USP43: variants seen among roughly 807,000 people sequenced by gnomAD.
The protein encoded by USP43 is ubiquitin specific peptidase 43.
Under a neutral mutation model 90.7 loss-of-function variants are expected in USP43, and 33 were observed. The ratio of observed to expected loss-of-function variants is 0.36; its 90% CI spans 0.28 to 0.49. USP43 has a LOEUF of 0.49. Ranked by LOEUF, USP43 falls within the 20% of genes least tolerant of loss-of-function variation. The pLI is 0.98. For missense variants in USP43, 1,274 were observed against 1,476.4 expected (o/e 0.86, Z 2.25); for synonymous variants, 598 against 615.8 (o/e 0.97, Z 0.43).
At chr17:9,675,107 C>T in intron 4 of USP43, 124 bp downstream of exon 4, 1 of 821,572 alleles carries the variant, frequency 1.2e-6, no homozygotes, top group Non-Finnish European at 2.1e-6. Flanking sequence ...TCTCTGGAAA[C>T]CAGCCTTATA....
In USP43 at chr17:9,715,251, A is replaced by G. The variant is rs1457622677; in HGVS notation, c.2335+3119A>G. On this transcript the variant is annotated intron_variant, in intron 14 of 14. Transcript: ENST00000285199. Reference sequence around the variant, plus strand: ...CAAGGTGGGAGGATCGCGTGAGTCCAAGAAGTTAAGACTAGCCCTGGCAAC... The same window carrying G: ...CAAGGTGGGAGGATCGCGTGAGTCCGAGAAGTTAAGACTAGCCCTGGCAAC... 2.0e-5 allele frequency among the ~76,000 whole-genome samples: 3 copies of G among 152,114 alleles called. No individual in the cohort carries two copies. In the East Asian group the frequency reaches 5.8e-4, roughly 29 times the overall value.
chr17:9,727,970 G>A lies in USP43; in HGVS notation c.2352G>A (p.Arg784=), dbSNP rs776206048. ...CTCTTTCAGGAGGGTTGGAGCCCAG[G>A]CGTTTGGTACGGGGCGTGAAAGGCA... ...CNQEKGGLEP[R]RLVRGVKGRS... is the part of the protein sequence containing the mutation. Residue 784 remains arginine (R), a synonymous_variant, in exon 15 of 15, where the codon AGG becomes AGA. Transcript: ENST00000285199. 1 of 1,603,682 alleles carries A rather than the reference G, an allele frequency of 6.2e-7. No homozygotes were observed. Among genetic ancestry groups the A allele is most frequent in the South Asian group, 1.1e-5 (1 of 90,858 alleles).
At chr17:9,675,779 T>C (rs749852956) in intron 4 of USP43, among the ~76,000 whole-genome samples, 15 of 152,204 alleles carry the variant, frequency 9.9e-5, no homozygotes, top group Non-Finnish European at 1.9e-4. Context: ...ACTACAAATA[T>C]AACTACTGGC....
At chr17:9,700,867 T>A (rs938799678) in intron 10 of USP43, among the ~76,000 whole-genome samples, 14 of 152,154 alleles carry the variant, frequency 9.2e-5, no homozygotes, top group Non-Finnish European at 1.9e-4. Context: ...CCAGGCCCTG[T>A]GCTAGGATGA....
In USP43 at chr17:9,729,285, A is replaced by AATT; in HGVS notation, c.*296_*297insTTA. The AATT allele has an allele frequency of 4.5e-6, 1 of 223,478 alleles. No individual in the cohort carries two copies. Among genetic ancestry groups the AATT allele is most frequent in the Non-Finnish European group, 8.6e-6 (1 of 116,442 alleles). 13.8% of individuals were successfully genotyped at this position (223,478 alleles called of 1,614,324 possible). ...TCAGGGCAAGAACTGATATTTACTA[A>AATT]AGAGTTTTGGATGTGGGCAAACAAG... is the stretch of plus-strand genomic sequence containing the variant. On this transcript the variant is annotated 3_prime_UTR_variant, in exon 15 of 15. Transcript: ENST00000285199.
chr17:9,645,950 C>G lies in USP43; in HGVS notation c.318C>G (p.His106Gln). The G allele has an allele frequency of 1.4e-6, 2 of 1,479,520 alleles. No homozygotes were observed. Among genetic ancestry groups the G allele is most frequent in the Non-Finnish European group, 1.8e-6 (2 of 1,118,456 alleles). The allele number at this position is 1,479,520 out of a possible 1,614,324, so 91.6% of individuals were successfully genotyped here. ...CGGGCGCTCAGGGCTTGAAGAACCACGGCAACACCTGTTTCATGAACGCGG... is the reference window on the plus strand; with the variant it reads ...CGGGCGCTCAGGGCTTGAAGAACCAGGGCAACACCTGTTTCATGAACGCGG... ...RPPGAQGLKN[H>Q]GNTCFMNAVV... is the part of the protein sequence containing the mutation. Residue 106 changes from histidine (H) to glutamine (Q), a missense_variant, in exon 1 of 15, where the codon CAC becomes CAG. Transcript: ENST00000285199. This position sits in a 1 kb window ranked among gnomAD's most constrained non-coding sequence, Gnocchi z 6.8.
At chr17:9,680,670 C>A (rs566363340) in intron 6 of USP43, among the ~76,000 whole-genome samples, 1 of 152,200 alleles carries the variant, frequency 6.6e-6, no homozygotes, top group South Asian at 2.1e-4. Context: ...AGAGTTTGCA[C>A]ATCTAACCAA....
At position 9,675,915 on chromosome 17, in the gene USP43, T is replaced by G. The variant is rs548766830; in HGVS notation, c.834-831T>G. Among the ~76,000 whole-genome samples the G allele has an allele frequency of 5.3e-5, 8 of 152,310 alleles. No individual in the cohort carries two copies. The East Asian group carries it at 1.5e-3, about 29-fold the overall frequency. On this transcript the variant is annotated intron_variant, in intron 4 of 14. Coordinates refer to ENST00000285199, the MANE Select transcript of USP43 (RefSeq NM_153210.5). The stretch of plus-strand genomic sequence containing the variant: ...CAGCAGAGTGGTCAAGACCACTGAC[T>G]CTGGAGCCAGACGGCCCAGGTTCGA...
Position 9,701,352 on chromosome 17 carries a change from C to T in USP43, c.1663C>T (p.Leu555=). 2 of 1,593,414 alleles carry T rather than the reference C, an allele frequency of 1.3e-6. No homozygotes were observed. The highest frequency in any genetic ancestry group is 1.7e-6 in the Non-Finnish European group (2 of 1,169,922). ...CFQFYTKEEQ[L]AQDDAWKCPH... is the part of the protein sequence containing the mutation. ...ACAGTCCGGGTGGTTTGCTTTCCAG[C>T]TGGCCCAGGATGACGCCTGGAAGTG... Residue 555 remains leucine, a splice_region_variant and synonymous_variant, in exon 12 of 15, where the codon CTG becomes TTG. Transcript: ENST00000285199. This position sits in a 1 kb window ranked among gnomAD's most constrained non-coding sequence, Gnocchi z 7.2.
At position 9,728,989 on chromosome 17, in the gene USP43, G is replaced by A. The variant is rs750045738; in HGVS notation, c.3371G>A (p.Ter1124=). 3.2e-5 allele frequency: 50 copies of A among 1,561,200 alleles called. No individual in the cohort carries two copies. The highest frequency in any genetic ancestry group is 4.3e-5 in the Non-Finnish European group (49 of 1,149,034). The change falls in exon 15 of 15, where the codon TGA becomes TAA. Residue 1124 remains the stop codon, a stop_retained_variant. Coordinates refer to ENST00000285199, the MANE Select transcript of USP43 (RefSeq NM_153210.5). The surrounding 1 kb of genome is among the most constrained non-coding windows in gnomAD (Gnocchi z 6.2). ...AAAACCTTACCGGAGTCCAGCTTTT[G>A]ATGGAGCGTGTCAGTATTGTGTGAC... The part of the protein sequence containing the change: ...RKKTLPESSF[*]
At chr17:9,678,718 C>A (rs1188384932) in intron 5 of USP43, among the ~76,000 whole-genome samples, 1 of 151,368 alleles carries the variant, frequency 6.6e-6, no homozygotes, top group African/African-American at 2.4e-5. Context: ...TTTTGTACCG[C>A]CCCTCCCCCC....
intron 1 of USP43, among the ~76,000 whole-genome samples, chr17:9,648,660 A>G (rs1911628590): frequency 6.6e-6 from 1 of 152,008 alleles, no homozygotes; most frequent in African/African-American, 2.4e-5. Context: ...AGGGCTTGGG[A>G]AGATGGGAGA....
chr17:9,681,159 CTATATAATATAT>C (rs1914171795), intron 6 of USP43, among the ~76,000 whole-genome samples: 1 of 90,938 alleles, frequency 1.1e-5, no homozygotes, highest in South Asian at 3.2e-4. Flanking sequence ...ATAATATATA[CTATATAATATAT>C]ACTATATAAT....
intron 8 of USP43, among the ~76,000 whole-genome samples, chr17:9,687,682 T>C (rs577882602): frequency 1.6e-4 from 25 of 152,332 alleles, no homozygotes; most frequent in Non-Finnish European, 2.6e-4. Context: ...AGCTTTTTAT[T>C]TGGGGCACAC....
intron 9 of USP43, among the ~76,000 whole-genome samples, chr17:9,694,487 C>G (rs1240148047): frequency 6.6e-6 from 1 of 152,172 alleles, no homozygotes; most frequent in Non-Finnish European, 1.5e-5. Flanking sequence ...TGAGAGGAAG[C>G]ACTTACGAAT....
chr17:9,697,666 C>CTT lies in USP43; in HGVS notation c.1458-2492_1458-2491dup, dbSNP rs56661274. On this transcript the variant is annotated intron_variant, in intron 9 of 14. Coordinates refer to ENST00000285199, the MANE Select transcript of USP43 (RefSeq NM_153210.5). ...ATGTTGCTGCAAAGAAACAGGAATTCTTTTTTTTTTTTTTTGGCTGTGTAG... is the reference window on the plus strand; with the variant it reads ...ATGTTGCTGCAAAGAAACAGGAATTCTTTTTTTTTTTTTTTTTGGCTGTGTAG... Among the ~76,000 whole-genome samples the CTT allele has an allele frequency of 9.7e-4, 132 of 136,738 alleles. 2 individuals carry two copies. Among genetic ancestry groups the CTT allele is most frequent in the East Asian group, 3.8e-3 (18 of 4,758 alleles). The allele number at this position is 136,738 out of a possible 152,430, so 89.7% of individuals were successfully genotyped here. A position where few individuals can be genotyped will look rare whatever the true frequency, so the allele number is the denominator to read the frequency against.
At chr17:9,724,817 G>A (rs1917170092) in intron 14 of USP43, among the ~76,000 whole-genome samples, 1 of 152,204 alleles carries the variant, frequency 6.6e-6, no homozygotes, top group Non-Finnish European at 1.5e-5. Context: ...TTGGCACATG[G>A]CATGTGCTTA....
At chr17:9,677,451 C>A (rs1913858801) in intron 5 of USP43, among the ~76,000 whole-genome samples, 1 of 152,200 alleles carries the variant, frequency 6.6e-6, no homozygotes, top group Non-Finnish European at 1.5e-5. Flanking sequence ...GCTGAGAGAA[C>A]TGAGGATGTA....
At chr17:9,687,208 A>AT (rs529600294) in intron 8 of USP43, among the ~76,000 whole-genome samples, 11 of 150,482 alleles carry the variant, frequency 7.3e-5, no homozygotes, top group East Asian at 1.9e-4. Context: ...TTAAAACGAA[A>AT]TTTTTTTTTT....
Sources: gnomAD v4.1 joint callset for allele counts (sites outside exome capture counted in the v4.1 genomes callset) on GRCh38, gnomAD v4.1.1 for gene constraint, Gnocchi (gnomAD v3.1) non-coding constraint, MANE v1.5 for transcripts, NCBI Gene and HGNC (gene_info 2026-07-23, HGNC 2026-07-21) for gene names.